Variants in TTN observed in about 807,000 individuals in gnomAD.
TTN encodes titin.
A neutral mutation model predicts 3,223.0 loss-of-function variants in TTN; 1,525 were observed. The observed-to-expected ratio is 0.47, with a 90% confidence interval of 0.45 to 0.49. TTN has a LOEUF of 0.49. Among genes scored for constraint, TTN ranks in the 20% least tolerant of loss-of-function variants. The probability of loss-of-function intolerance (pLI) is 0.00; values close to 1 mark genes in which losing one functional copy is unlikely to be tolerated. For synonymous variants in TTN, 14,094 were observed against 15,161.0 expected, an observed-to-expected ratio of 0.93 and a Z score of 5.17; for missense variants, 40,786 against 43,424.0, an observed-to-expected ratio of 0.94 and a Z score of 5.40.
Position 178,594,433 on chromosome 2 carries a change from G to T in TTN, c.58061C>A (p.Thr19354Asn). The T allele has an allele frequency of 6.2e-7, 1 of 1,612,978 alleles. No individual in the cohort carries two copies. The highest frequency in any genetic ancestry group is 8.5e-7 in the Non-Finnish European group (1 of 1,179,424). ...YTVKGLKEGD[T>N]YEYRVSAVNI... is the part of the protein sequence containing the mutation. ...GACAGCACTGACACGGTACTCATAGGTATCACCTTCTTTTAAGCCTTTAAC... is the reference window on the plus strand; with the variant it reads ...GACAGCACTGACACGGTACTCATAGTTATCACCTTCTTTTAAGCCTTTAAC... Residue 19354 changes from threonine (T) to asparagine (N), a missense_variant, in exon 296 of 363, where the codon ACC (threonine) becomes AAC (asparagine). By Grantham distance (65) the Thr-to-Asn change is moderately conservative (BLOSUM62 0). Transcript: ENST00000589042.
chr2:178,584,035 C>T (rs762787519), intron 311 of TTN, 129 bp from the exon 312 acceptor site: 17 of 1,153,682 alleles, frequency 1.5e-5, no homozygotes, highest in African/African-American at 6.3e-5. Context: ...TTTTAATAAC[C>T]GTCCAACTAG....
chr2:178,579,072 A>T lies in TTN; in HGVS notation c.67958T>A (p.Phe22653Tyr), dbSNP rs749873981. The change falls in exon 320 of 363, where the codon TTT becomes TAT. Residue 22653 changes from phenylalanine (F) to tyrosine (Y), a missense_variant. Coordinates refer to ENST00000589042, the MANE Select transcript of TTN (RefSeq NM_001267550.2). Reference sequence around the variant, plus strand: ...CATGGCTTCTGCTGTGACTTCATCAAATTTGATTGGTCCAGTGGGGATGCC... The same window carrying T: ...CATGGCTTCTGCTGTGACTTCATCATATTTGATTGGTCCAGTGGGGATGCC... ...KPGIPTGPIK[F>Y]DEVTAEAMTL... 24 of 1,613,124 alleles carry T rather than the reference A, an allele frequency of 1.5e-5. No individual in the cohort carries two copies. The highest frequency in any genetic ancestry group is 2.0e-5 in the Non-Finnish European group (24 of 1,179,518).
chr2:178,578,204 TGTATCAA>T lies in TTN; in HGVS notation c.68330-26_68330-20del, dbSNP rs1224210667. ...TGATACCCTACAAAAGACCCAGGGA[TGTATCAA>T]GTATAAATGCAGCTTGATTTTACAA... On this transcript the variant is annotated intron_variant, in intron 321 of 362. Coordinates refer to ENST00000589042, the MANE Select transcript of TTN (RefSeq NM_001267550.2). The T allele has an allele frequency of 2.5e-6, 4 of 1,601,682 alleles. No individual in the cohort carries two copies. The highest frequency in any genetic ancestry group is 1.3e-5 in the African/African-American group (1 of 74,384).
At chr2:178,586,474 A>C in intron 308 of TTN, 31 bp downstream of exon 308, 1 of 1,605,780 alleles carries the variant, frequency 6.2e-7, no homozygotes. Flanking sequence ...TAAACTTACC[A>C]CATGACATAA....
At position 178,598,029 on chromosome 2, in the gene TTN, C is replaced by G. The variant is rs758155786; in HGVS notation, c.57141G>C (p.Lys19047Asn). Residue 19047 changes from lysine (K) to asparagine (N), a missense_variant, in exon 293 of 363, where the codon AAG (lysine) becomes AAC (asparagine). Lys to Asn is a moderately conservative substitution (Grantham distance 94). Transcript: ENST00000589042. ...CTTCCTTTAATCCTGTCACAACAAG[C>G]TTTGTTCCTCTCACTTCTTTATCTT... ...KGKDKEVRGT[K>N]LVVTGLKEGA... 1 of 1,613,112 alleles carries G rather than the reference C, an allele frequency of 6.2e-7. No homozygotes were observed. The highest frequency in any genetic ancestry group is 8.5e-7 in the Non-Finnish European group (1 of 1,179,496).
In TTN at chr2:178,533,207, C is replaced by A. The variant is rs769023413; in HGVS notation, c.103408G>T (p.Glu34470Ter). 6.2e-7 allele frequency: 1 copy of A among 1,613,840 alleles called. No individual in the cohort carries two copies. The highest frequency in any genetic ancestry group is 1.3e-5 in the African/African-American group (1 of 74,918). ...TCAATTTGTTTTTGTACGTGTCGCT[C>A]ATGCTCCTCCTTACTCTTGAATTCC... is the stretch of plus-strand genomic sequence containing the variant. ...KQEFKSKEEHERHVQKQIDKT... is the reference protein window; with the variant it reads ...KQEFKSKEEH The change falls in exon 358 of 363, where the codon GAG (glutamate) becomes TAG (stop). Residue 34470 changes from glutamate (E) to a stop codon, truncating the protein, a stop_gained. Transcript: ENST00000589042. LOFTEE classifies it high-confidence loss of function.
intron 2 of TTN, 72 bp downstream of exon 2, chr2:178,804,480 C>T (rs879020900): frequency 6.8e-7 from 1 of 1,475,412 alleles, no homozygotes; most frequent in African/African-American, 1.4e-5. Context: ...GGCGTCAAGT[C>T]CTGCAGCAAC....
Position 178,538,763 on chromosome 2 carries a change from A to T in TTN, c.99066T>A (p.Pro33022=). 1 of 1,613,730 alleles carries T rather than the reference A, an allele frequency of 6.2e-7. No individual in the cohort carries two copies. The highest frequency in any genetic ancestry group is 8.5e-7 in the Non-Finnish European group (1 of 1,179,714). Residue 33022 remains proline (P), a synonymous_variant, in exon 354 of 363, where the codon CCT becomes CCA. Coordinates refer to ENST00000589042, the MANE Select transcript of TTN (RefSeq NM_001267550.2). Reference sequence around the variant, plus strand: ...GAATTTCTTTACCACCATCACATTCAGGTTTCTCCCACTGTAGAGTGACAC... The same window carrying T: ...GAATTTCTTTACCACCATCACATTCTGGTTTCTCCCACTGTAGAGTGACAC... The part of the protein sequence containing the change: ...KDSVTLQWEK[P]ECDGGKEILG...
At position 178,756,280 on chromosome 2, in the gene TTN, G is replaced by A. The variant is rs752436820; in HGVS notation, c.11196C>T (p.Cys3732=). 4 of 1,613,812 alleles carry A rather than the reference G, an allele frequency of 2.5e-6. No individual in the cohort carries two copies. Among genetic ancestry groups the A allele is most frequent in the East Asian group, 4.5e-5 (2 of 44,880 alleles). The change falls in exon 46 of 363, where the codon TGC becomes TGT. Residue 3732 remains cysteine, a synonymous_variant. Coordinates refer to ENST00000589042, the MANE Select transcript of TTN (RefSeq NM_001267550.2). ...TCTCTCCACAGTCATTGTGTACAAT[G>A]CAGCTGTATAGTCCTTGGTCTACCA... ...VQLVDQGLYS[C]IVHNDCGERT...
chr2:178,546,293 T>G lies in TTN; in HGVS notation c.95038A>C (p.Arg31680=), dbSNP rs760992930. 1.2e-6 allele frequency: 2 copies of G among 1,613,766 alleles called. No individual in the cohort carries two copies. Among genetic ancestry groups the G allele is most frequent in the African/African-American group, 1.3e-5 (1 of 74,938 alleles). The part of the protein sequence containing the change: ...RATAVIKFCD[R]SDSGKYTLTV... ...AAAGTGTATTTTCCACTGTCACTTC[T>G]GTCACAGAACTTGATCACAGCAGTT... Residue 31680 remains arginine (R), a synonymous_variant, in exon 342 of 363, where the codon AGA becomes CGA. Transcript: ENST00000589042.
chr2:178,751,512 T>C, intron 47 of TTN: 1 of 1,613,408 alleles, frequency 6.2e-7, no homozygotes, highest in Non-Finnish European at 8.5e-7. Flanking sequence ...ACCTTTATCC[T>C]ATCTTCTCCC....
Position 178,709,720 on chromosome 2 carries a change from C to T in TTN, c.28599G>A (p.Glu9533=), listed in dbSNP as rs1161396092. The change falls in exon 99 of 363, where the codon GAG becomes GAA. Residue 9533 remains glutamate, a synonymous_variant. Coordinates refer to ENST00000589042, the MANE Select transcript of TTN (RefSeq NM_001267550.2). ...TTTCACAGTTAGAAGTTGGTTGTATCTCTATATTATTTTTGTACCAGGCAA... is the reference window on the plus strand; with the variant it reads ...TTTCACAGTTAGAAGTTGGTTGTATTTCTATATTATTTTTGTACCAGGCAA... ...ITVAWYKNNI[E]IQPTSNCEIT... is the part of the protein sequence containing the mutation. 6.2e-7 allele frequency: 1 copy of T among 1,613,878 alleles called. No individual in the cohort carries two copies. The highest frequency in any genetic ancestry group is 1.7e-5 in the Admixed American group (1 of 59,998).
rs2154300543 is a variant in TTN, at chr2:178,720,276, A to C, written c.23378-12T>G. 2.5e-6 allele frequency: 4 copies of C among 1,602,342 alleles called. No homozygotes were observed. The highest frequency in any genetic ancestry group is 2.6e-6 in the Non-Finnish European group (3 of 1,173,028). Reference sequence around the variant, plus strand: ...GAATCGTGGAGGTTCTGATGAAAGAAATTTGTGGTTAGAGGAAAAAATGTG... The same window carrying C: ...GAATCGTGGAGGTTCTGATGAAAGACATTTGTGGTTAGAGGAAAAAATGTG... On this transcript the variant is annotated splice_polypyrimidine_tract_variant and intron_variant, in intron 80 of 362. Transcript: ENST00000589042.
rs763503897 is a variant in TTN, at chr2:178,689,521, G to T, written c.31921C>A (p.Pro10641Thr). 1 of 1,609,562 alleles carries T rather than the reference G, an allele frequency of 6.2e-7. No individual in the cohort carries two copies. The highest frequency in any genetic ancestry group is 8.5e-7 in the Non-Finnish European group (1 of 1,177,384). Residue 10641 changes from proline (P) to threonine (T), a missense_variant, in exon 123 of 363, where the codon CCA (proline) becomes ACA (threonine). Coordinates refer to ENST00000589042, the MANE Select transcript of TTN (RefSeq NM_001267550.2). ...TGGAGATGGGATTAAGTACCTGCTG[G>T]TGGTGGAGATTCCTCTCTTTGAGTT... ...IVTQREESPP[P>T]AVPEIPKKKV...
intron 47 of TTN, chr2:178,751,136 TCAGA>T (rs774827197): frequency 6.2e-7 from 1 of 1,612,832 alleles, no homozygotes; most frequent in South Asian, 1.1e-5. Context: ...TTCAGCTAGA[TCAGA>T]CATAGATCTG....
rs771760582 is a variant in TTN at position 178,704,493 on chromosome 2, A to G, written c.29962+17T>C. The G allele has an allele frequency of 1.9e-6, 3 of 1,600,126 alleles. No homozygotes were observed. The highest frequency in any genetic ancestry group is 1.1e-5 in the South Asian group (1 of 88,752). Reference sequence around the variant, plus strand: ...ATTTAAATCTCACAAGTATTTCATAAGCCTTTTCTAACTTACCAATTACAG... The same window carrying G: ...ATTTAAATCTCACAAGTATTTCATAGGCCTTTTCTAACTTACCAATTACAG... On this transcript the variant is annotated intron_variant, in intron 105 of 362. Transcript: ENST00000589042.
chr2:178,645,257 T>C (rs1415345963), intron 217 of TTN: 1 of 151,888 alleles, frequency 6.6e-6, no homozygotes, highest in East Asian at 1.9e-4. Context: ...AATCAAAATA[T>C]AAGAAGGGGG....
rs779245098 is a variant in TTN, at chr2:178,614,746, T to C, written c.48768A>G (p.Pro16256=). The C allele has an allele frequency of 1.2e-5, 19 of 1,606,604 alleles. No individual in the cohort carries two copies. Among genetic ancestry groups the C allele is most frequent in the Non-Finnish European group, 1.5e-5 (18 of 1,176,348 alleles). The part of the protein sequence containing the change: ...EIQAVDTQEA[P]EIFLDVKLLA... ...GGAGCTTCACATCGAGGAAGATTTC[T>C]GGGGCCTCTGAATTGGAAAAGATTA... The change falls in exon 261 of 363, where the codon CCA becomes CCG. Residue 16256 remains proline (P), a synonymous_variant. Transcript: ENST00000589042.
At position 178,570,615 on chromosome 2, in the gene TTN, C is replaced by G. The variant is rs980015868; in HGVS notation, c.75517G>C (p.Asp25173His). The change falls in exon 326 of 363, where the codon GAT becomes CAT. Residue 25173 changes from aspartate to histidine, a missense_variant. Physicochemically the swap from Asp to His is moderately conservative, Grantham distance 81 (BLOSUM62 -1). Coordinates refer to ENST00000589042, the MANE Select transcript of TTN (RefSeq NM_001267550.2). ...TDFATSLSVK[D>H]AVRVDSGNYI... ...TTTCCACTGTCGACACGTACTGCAT[C>G]TTTTACACTGAGACTGGTGGCAAAG... 12 of 1,613,372 alleles carry G rather than the reference C, an allele frequency of 7.4e-6. No homozygotes were observed. The highest frequency in any genetic ancestry group is 1.0e-5 in the Non-Finnish European group (12 of 1,179,654).
Sources: gnomAD v4.1 joint callset for allele counts on GRCh38, gnomAD v4.1.1 for gene constraint, MANE v1.5 for transcripts, NCBI Gene and HGNC (gene_info 2026-07-23, HGNC 2026-07-21) for gene names.